The following SUCLG2 variants were observed in gnomAD, a reference collection of about 807,000 sequenced individuals.
The protein encoded by SUCLG2 is succinate-CoA ligase GDP-forming subunit beta, also known as succinate--CoA ligase [GDP-forming] subunit beta, mitochondrial.
In SUCLG2, 42 loss-of-function variants were observed where a neutral mutation model predicts 47.9. That is an observed-to-expected ratio of 0.88 (90% CI 0.69 to 1.14). The LOEUF is 1.14. SUCLG2 is among the 50% of genes most tolerant of loss of function. The probability of loss-of-function intolerance (pLI) is 0.00; values close to 1 mark genes in which losing one functional copy is unlikely to be tolerated. For missense variants in SUCLG2, 571 were observed against 525.9 expected (o/e 1.09, Z -0.84); for synonymous variants, 195 against 197.3 (o/e 0.99, Z 0.10).
chr3:67,572,293 C>T (rs1707634710), intron 2 of SUCLG2, among the ~76,000 whole-genome samples: 1 of 152,148 alleles, frequency 6.6e-6, no homozygotes, highest in South Asian at 2.1e-4. Context: ...ACACCTAGCA[C>T]ACTGTATATG....
intron 10 of SUCLG2, among the ~76,000 whole-genome samples, chr3:67,363,154 A>G (rs1209575727): frequency 6.6e-6 from 1 of 152,240 alleles, no homozygotes; most frequent in Non-Finnish European, 1.5e-5. Context: ...ACCAAAAAAT[A>G]AAATAACCAA....
intron 9 of SUCLG2, 24 bp from the exon 10 acceptor site, chr3:67,400,875 C>A (rs767608297): frequency 1.9e-6 from 3 of 1,611,768 alleles, no homozygotes. Context: ...TAAAAAGTTA[C>A]CAATCAAAAT....
intron 1 of SUCLG2, among the ~76,000 whole-genome samples, chr3:67,622,946 T>C (rs1032414083): frequency 2.6e-5 from 4 of 152,222 alleles, no homozygotes; most frequent in African/African-American, 7.2e-5. Flanking sequence ...AAGGCGAGGA[T>C]ATTTGTGCCA....
chr3:67,476,656 G>A (rs1391248936), intron 9 of SUCLG2, among the ~76,000 whole-genome samples: 1 of 152,116 alleles, frequency 6.6e-6, no homozygotes, highest in Non-Finnish European at 1.5e-5. Flanking sequence ...TAGAAAAACT[G>A]TCTTCCATGA....
chr3:67,442,251 C>T (rs1413341609), intron 9 of SUCLG2, among the ~76,000 whole-genome samples: 2 of 152,058 alleles, frequency 1.3e-5, no homozygotes, highest in Non-Finnish European at 2.9e-5. Flanking sequence ...ACCTCGTGAT[C>T]CGCCCGCCTC....
At chr3:67,593,627 C>A (rs1337311720) in intron 2 of SUCLG2, among the ~76,000 whole-genome samples, 2 of 152,198 alleles carry the variant, frequency 1.3e-5, no homozygotes, top group African/African-American at 4.8e-5. Context: ...TTTCTCACTT[C>A]TCCTGCAGCC....
intron 9 of SUCLG2, among the ~76,000 whole-genome samples, chr3:67,493,034 G>C (rs892625200): frequency 2.6e-5 from 4 of 152,178 alleles, no homozygotes; most frequent in Admixed American, 2.6e-4. Flanking sequence ...TTGACTTTCT[G>C]TGTATTCAAC....
intron 10 of SUCLG2, among the ~76,000 whole-genome samples, chr3:67,390,992 A>G (rs181496031): frequency 4.1e-4 from 63 of 152,296 alleles, no homozygotes; most frequent in Admixed American, 2.7e-3. Flanking sequence ...TTGAGCTCTT[A>G]ATATATTAAT....
intron 2 of SUCLG2, among the ~76,000 whole-genome samples, chr3:67,554,011 G>A (rs1707091677): frequency 6.6e-6 from 1 of 152,154 alleles, no homozygotes; most frequent in Non-Finnish European, 1.5e-5. Context: ...AACATAACCA[G>A]TAACTAAATA....
At chr3:67,513,169 A>C (rs984685239) in intron 6 of SUCLG2, among the ~76,000 whole-genome samples, 1 of 152,062 alleles carries the variant, frequency 6.6e-6, no homozygotes, top group African/African-American at 2.4e-5. Context: ...ATACTGCAGC[A>C]TGTGTCAGAA....
chr3:67,504,512 T>G (rs149036877), intron 7 of SUCLG2, among the ~76,000 whole-genome samples: 77 of 152,330 alleles, frequency 5.1e-4, no homozygotes, highest in African/African-American at 1.8e-3. Flanking sequence ...TTTGGCCCAG[T>G]GAATGGATTT....
At position 67,360,741 on chromosome 3, in the gene SUCLG2, T is replaced by TA. The variant is rs779530706; in HGVS notation, c.1210dup (p.Tyr404LeufsTer13). The TA allele has an allele frequency of 2.6e-6, 4 of 1,523,720 alleles. No individual in the cohort carries two copies. The South Asian group carries it at 4.9e-5, about 19-fold the overall frequency. The allele number at this position is 1,523,720 out of a possible 1,614,324, so 94.4% of individuals were successfully genotyped here. On this transcript the variant is annotated frameshift_variant, in exon 11 of 11. Transcript: ENST00000493112. LOFTEE classifies it low-confidence loss of function (END_TRUNC). ...TCCTGTTTCTTGTTTTATGTGCATATAACTTCCTTTTTTTTCCATAAAAGT... is the reference window on the plus strand; with the variant it reads ...TCCTGTTTCTTGTTTTATGTGCATATAAACTTCCTTTTTTTTCCATAAAAGT...
At chr3:67,458,886 T>C (rs1278337024) in intron 9 of SUCLG2, among the ~76,000 whole-genome samples, 1 of 152,236 alleles carries the variant, frequency 6.6e-6, no homozygotes, top group Admixed American at 6.5e-5. Context: ...CCATCTCTTT[T>C]TCAGTCTGCT....
At chr3:67,381,842 A>G (rs1238376957) in intron 10 of SUCLG2, among the ~76,000 whole-genome samples, 3 of 152,184 alleles carry the variant, frequency 2.0e-5, no homozygotes, top group African/African-American at 4.8e-5. Context: ...CCTCCTTGGC[A>G]TGTTACCAGT....
chr3:67,520,671 T>A (rs1188195811), intron 4 of SUCLG2, 37 bp from the exon 5 acceptor site: 17 of 1,572,690 alleles, frequency 1.1e-5, no homozygotes, highest in Non-Finnish European at 1.5e-5. Context: ...TAATTCAGCA[T>A]TAAGCTGATT....
chr3:67,447,313 T>C (rs1703950157), intron 9 of SUCLG2, among the ~76,000 whole-genome samples: 1 of 152,196 alleles, frequency 6.6e-6, no homozygotes, highest in African/African-American at 2.4e-5. Flanking sequence ...TCTTAACAAG[T>C]CATTACCAAA....
At chr3:67,551,263 T>C (rs1047315703) in intron 2 of SUCLG2, among the ~76,000 whole-genome samples, 1 of 152,248 alleles carries the variant, frequency 6.6e-6, no homozygotes, top group Admixed American at 6.5e-5. Context: ...GATGGACTAA[T>C]GCTTTTATGT....
intron 9 of SUCLG2, among the ~76,000 whole-genome samples, chr3:67,447,123 A>C (rs1057018466): frequency 6.6e-6 from 1 of 152,202 alleles, no homozygotes; most frequent in Non-Finnish European, 1.5e-5. Flanking sequence ...TCACCTACTG[A>C]AAAACATGCT....
intron 2 of SUCLG2, among the ~76,000 whole-genome samples, chr3:67,557,879 G>A (rs909136340): frequency 7.2e-5 from 11 of 152,190 alleles, no homozygotes; most frequent in Non-Finnish European, 1.0e-4. Flanking sequence ...TACCAAGAGT[G>A]ACCTTAGGCT....
Sources: gnomAD v4.1 joint callset for allele counts (sites outside exome capture counted in the v4.1 genomes callset) on GRCh38, gnomAD v4.1.1 for gene constraint, MANE v1.5 for transcripts, NCBI Gene and HGNC (gene_info 2026-07-23, HGNC 2026-07-21) for gene names.